Variants in CFDP1 observed in about 807,000 individuals in gnomAD.
CFDP1 encodes the protein heterochromatin-stabilizing protein CFDP1.
CFDP1 carries 31 observed loss-of-function variants against 40.1 expected under a neutral mutation model. That is an observed-to-expected ratio of 0.77 (90% CI 0.58 to 1.04). The LOEUF (loss-of-function observed/expected upper bound fraction) is 1.04. Ranked by LOEUF, CFDP1 falls within the 50% of genes least tolerant of loss-of-function variation. The probability of loss-of-function intolerance (pLI) is 0.00; values close to 1 mark genes in which losing one functional copy is unlikely to be tolerated. For missense variants in CFDP1, 423 were observed against 343.4 expected (o/e 1.23, Z -1.83); for synonymous variants, 167 against 120.0 (o/e 1.39, Z -2.56).
Position 75,341,819 on chromosome 16 carries a change from TG to T in CFDP1, c.651-36638del, listed in dbSNP as rs1438863041. On this transcript the variant is annotated intron_variant, in intron 5 of 6. Coordinates refer to ENST00000283882, the MANE Select transcript of CFDP1 (RefSeq NM_006324.3). Reference sequence around the variant, plus strand: ...TCCCTTTCTGTGCTCAGTTTATTGCTGTACTCAAGCAGCCAGGTAACGAGGC... The same window carrying T: ...TCCCTTTCTGTGCTCAGTTTATTGCTTACTCAAGCAGCCAGGTAACGAGGC... Among the ~76,000 whole-genome samples, 5 of 152,134 alleles carry T rather than the reference TG, an allele frequency of 3.3e-5. No individual in the cohort carries two copies. The East Asian group carries it at 7.7e-4, about 23-fold the overall frequency.
intron 5 of CFDP1, among the ~76,000 whole-genome samples, chr16:75,336,944 A>G (rs1367565916): frequency 6.6e-6 from 1 of 152,096 alleles, no homozygotes; most frequent in Non-Finnish European, 1.5e-5. Flanking sequence ...TAAAAACTGG[A>G]CAGTTGCTAT....
At chr16:75,308,033 G>A (rs2078270285) in intron 5 of CFDP1, among the ~76,000 whole-genome samples, 1 of 152,212 alleles carries the variant, frequency 6.6e-6, no homozygotes, top group East Asian at 1.9e-4. Context: ...TTCTGGGCAA[G>A]TGCAGACTCA....
chr16:75,418,307 T>C (rs1361297835), intron 1 of CFDP1, among the ~76,000 whole-genome samples: 3 of 14,002 alleles, frequency 2.1e-4, no homozygotes, highest in South Asian at 2.3e-3. Context: ...ACTCTAACCC[T>C]TTTTTTTTTT....
chr16:75,337,474 ATC>A (rs2078497638), intron 5 of CFDP1, among the ~76,000 whole-genome samples: 1 of 152,182 alleles, frequency 6.6e-6, no homozygotes, highest in African/African-American at 2.4e-5. Flanking sequence ...CAGTCACTCA[ATC>A]CCCTGTCACT....
At chr16:75,313,401 C>T (rs2078307051) in intron 5 of CFDP1, among the ~76,000 whole-genome samples, 1 of 152,200 alleles carries the variant, frequency 6.6e-6, no homozygotes, top group African/African-American at 2.4e-5. Context: ...GTGGTCTCGG[C>T]TCACTACAGC....
At chr16:75,368,019 G>A (rs151049568) in intron 5 of CFDP1, among the ~76,000 whole-genome samples, 102 of 152,018 alleles carry the variant, frequency 6.7e-4, no homozygotes, top group Non-Finnish European at 1.1e-3. Flanking sequence ...CAGAAGAATC[G>A]CTTGAACACG....
chr16:75,433,375 C>A lies in CFDP1; in HGVS notation c.-23G>T, dbSNP rs779047749. The A allele has an allele frequency of 3.8e-6, 6 of 1,578,242 alleles. No individual in the cohort carries two copies. In the Admixed American group the frequency reaches 8.9e-5, roughly 23 times the overall value. ...CATGTTGCTGCCGCTCGACGCTGGT[C>A]AAACTCACAAGACCGCAGCAGCCGC... is the stretch of plus-strand genomic sequence containing the variant. On this transcript the variant is annotated 5_prime_UTR_variant, in exon 1 of 7. Transcript: ENST00000283882.
Position 75,318,016 on chromosome 16 carries a change from G to A in CFDP1, c.651-12834C>T, listed in dbSNP as rs532777585. Among the ~76,000 whole-genome samples, 145 of 152,242 alleles carry A rather than the reference G, an allele frequency of 9.5e-4. 2 individuals are homozygous for A. Among genetic ancestry groups the A allele is most frequent in the Non-Finnish European group, 2.5e-4 (17 of 68,020 alleles). ...CATACCTGTAATCCCAGCTACTCAG[G>A]AGGATGAGGCAGGAGAATTGCTTGA... On this transcript the variant is annotated intron_variant, in intron 5 of 6. Transcript: ENST00000283882.
At chr16:75,428,425 C>T (rs2079366733) in intron 1 of CFDP1, among the ~76,000 whole-genome samples, 1 of 151,824 alleles carries the variant, frequency 6.6e-6, no homozygotes, top group Non-Finnish European at 1.5e-5. Context: ...ACCATCTTGA[C>T]CAACAAGGTG....
chr16:75,421,201 C>A (rs1246156250), intron 1 of CFDP1, among the ~76,000 whole-genome samples: 7 of 152,162 alleles, frequency 4.6e-5, no homozygotes, highest in Non-Finnish European at 8.8e-5. Context: ...AGCTGCAAGG[C>A]AGGAAGCACA....
chr16:75,355,992 C>A (rs2078642147), intron 5 of CFDP1, among the ~76,000 whole-genome samples: 1 of 152,228 alleles, frequency 6.6e-6, no homozygotes. Context: ...GTTACTTCCT[C>A]TACTGAAGTC....
At chr16:75,419,374 A>G (rs2079250453) in intron 1 of CFDP1, among the ~76,000 whole-genome samples, 1 of 152,226 alleles carries the variant, frequency 6.6e-6, no homozygotes, top group South Asian at 2.1e-4. Flanking sequence ...GTTCCAATTG[A>G]TAAAGGAAAG....
rs116052950 is a variant in CFDP1 at position 75,346,289 on chromosome 16, G to A, written c.651-41107C>T. ...CTAGGGGTAAACTCTCCAGTGTAAA[G>A]AGCACCAGGTAGGGCTGGGCATGGT... On this transcript the variant is annotated intron_variant, in intron 5 of 6. Coordinates refer to ENST00000283882, the MANE Select transcript of CFDP1 (RefSeq NM_006324.3). Among the ~76,000 whole-genome samples the A allele has an allele frequency of 4.0e-3, 606 of 152,208 alleles. 4 individuals carry two copies. The highest frequency in any genetic ancestry group is 0.014 in the African/African-American group (584 of 41,540).
intron 5 of CFDP1, among the ~76,000 whole-genome samples, chr16:75,311,856 C>T (rs1050954801): frequency 2.6e-5 from 4 of 151,134 alleles, no homozygotes; most frequent in Admixed American, 2.0e-4. Context: ...CCTCCTGCCT[C>T]AGCTTCCTAA....
chr16:75,417,707 C>T (rs1295397458), intron 1 of CFDP1, among the ~76,000 whole-genome samples: 3 of 151,864 alleles, frequency 2.0e-5, no homozygotes, highest in African/African-American at 4.8e-5. Flanking sequence ...AATAAATAAA[C>T]ATAACTGTAT....
At chr16:75,389,333 C>T (rs552360280) in intron 5 of CFDP1, among the ~76,000 whole-genome samples, 3 of 152,176 alleles carry the variant, frequency 2.0e-5, no homozygotes, top group Non-Finnish European at 4.4e-5. Flanking sequence ...TACTTTACTA[C>T]CAAATGTAGG....
At chr16:75,317,737 AC>A (rs959799172) in intron 5 of CFDP1, among the ~76,000 whole-genome samples, 1 of 152,128 alleles carries the variant, frequency 6.6e-6, no homozygotes, top group African/African-American at 2.4e-5. Flanking sequence ...TTTTCCAGAT[AC>A]TGGTTCCATA....
intron 5 of CFDP1, among the ~76,000 whole-genome samples, chr16:75,349,426 C>T (rs533731404): frequency 1.1e-4 from 16 of 151,070 alleles, no homozygotes; most frequent in South Asian, 4.2e-4. Flanking sequence ...AGGAGAATCA[C>T]TTGAACCCGG....
intron 5 of CFDP1, among the ~76,000 whole-genome samples, chr16:75,335,042 T>C (rs2078476593): frequency 6.6e-6 from 1 of 151,990 alleles, no homozygotes; most frequent in South Asian, 2.1e-4. Flanking sequence ...ACTAAGGGCA[T>C]GTGTGTGGAA....
Sources: gnomAD v4.1 joint callset for allele counts (sites outside exome capture counted in the v4.1 genomes callset) on GRCh38, gnomAD v4.1.1 for gene constraint, MANE v1.5 for transcripts, NCBI Gene and HGNC (gene_info 2026-07-23, HGNC 2026-07-21) for gene names.